The following CACNB4 variants were observed in gnomAD, a reference collection of about 807,000 sequenced individuals.
CACNB4 encodes calcium voltage-gated channel auxiliary subunit beta 4.
Under a neutral mutation model 71.2 loss-of-function variants are expected in CACNB4, and 32 were observed. That is an observed-to-expected ratio of 0.45 (90% CI 0.34 to 0.60). The LOEUF (loss-of-function observed/expected upper bound fraction) is 0.60, where lower values mean the gene tolerates loss of function less well. Among genes scored for constraint, CACNB4 ranks in the 20% least tolerant of loss-of-function variants. The probability of loss-of-function intolerance (pLI) is 0.01; values close to 1 mark genes in which losing one functional copy is unlikely to be tolerated. For missense variants in CACNB4, 464 were observed against 647.9 expected, an observed-to-expected ratio of 0.72 and a Z score of 3.08; for synonymous variants, 231 against 236.9, an observed-to-expected ratio of 0.97 and a Z score of 0.23.
intron 2 of CACNB4, among the ~76,000 whole-genome samples, chr2:152,053,236 A>C (rs1260471897): frequency 2.0e-5 from 3 of 152,160 alleles, no homozygotes; most frequent in African/African-American, 7.2e-5. Flanking sequence ...CCTCACCCTC[A>C]ACCTCTGGGA....
chr2:152,034,581 G>A (rs1325836627), intron 2 of CACNB4, among the ~76,000 whole-genome samples: 13 of 152,204 alleles, frequency 8.5e-5, no homozygotes, highest in Admixed American at 7.2e-4. Context: ...GAAAAGCATC[G>A]CATAAATTCC....
At chr2:151,926,895 C>A (rs1056739105) in intron 2 of CACNB4, among the ~76,000 whole-genome samples, 4 of 152,182 alleles carry the variant, frequency 2.6e-5, no homozygotes, top group Admixed American at 2.0e-4. Context: ...TACTTACTAA[C>A]TTTGCCTTTG....
intron 2 of CACNB4, among the ~76,000 whole-genome samples, chr2:151,899,941 A>G (rs1185498781): frequency 6.6e-6 from 1 of 152,198 alleles, no homozygotes; most frequent in East Asian, 1.9e-4. Context: ...AGAGTACAAA[A>G]AGTACCATAA....
At chr2:152,056,190 G>A (rs1435842776) in intron 2 of CACNB4, among the ~76,000 whole-genome samples, 4 of 151,898 alleles carry the variant, frequency 2.6e-5, no homozygotes, top group Middle Eastern at 3.4e-3. Context: ...GTGAAACCCC[G>A]TCTCTACTAA....
chr2:152,006,452 G>C (rs1682733543), intron 2 of CACNB4, among the ~76,000 whole-genome samples: 1 of 150,118 alleles, frequency 6.7e-6, no homozygotes, highest in Admixed American at 6.6e-5. Context: ...GTCCAGGCTG[G>C]AGTGCAGTGA....
chr2:152,028,818 G>T (rs764193232), intron 2 of CACNB4, among the ~76,000 whole-genome samples: 19 of 152,174 alleles, frequency 1.2e-4, no homozygotes, highest in Admixed American at 2.0e-4. Context: ...GCCAAAACAT[G>T]ATAAATATAT....
At chr2:152,074,436 C>T (rs1325593799) in intron 2 of CACNB4, among the ~76,000 whole-genome samples, 1 of 151,444 alleles carries the variant, frequency 6.6e-6, no homozygotes, top group East Asian at 1.9e-4. Flanking sequence ...CCATAACCAT[C>T]ACCAAGCCAT....
chr2:151,842,709 G>A (rs778515173), intron 12 of CACNB4, among the ~76,000 whole-genome samples: 3 of 152,158 alleles, frequency 2.0e-5, no homozygotes, highest in East Asian at 1.9e-4. Context: ...AAAAACCCAC[G>A]TGTATTCACA....
chr2:152,011,302 G>C (rs899154568), intron 2 of CACNB4, among the ~76,000 whole-genome samples: 3 of 152,110 alleles, frequency 2.0e-5, no homozygotes, highest in African/African-American at 4.8e-5. Flanking sequence ...TTCTTCCTTT[G>C]AGGTCCTGAC....
intron 2 of CACNB4, chr2:151,973,624 G>C (rs761102887): frequency 6.4e-7 from 1 of 1,564,002 alleles, no homozygotes; most frequent in Non-Finnish European, 8.8e-7. Context: ...AGTGGGAGGA[G>C]GAAGAGGAGG....
At chr2:151,883,734 G>T in intron 2 of CACNB4, 1 of 308,450 alleles carries the variant, frequency 3.2e-6, no homozygotes, top group South Asian at 3.1e-5. Flanking sequence ...AGGAAAAAGA[G>T]ACTCAGCTTA....
chr2:152,086,323 T>C (rs1687660432), intron 2 of CACNB4, among the ~76,000 whole-genome samples: 2 of 152,254 alleles, frequency 1.3e-5, no homozygotes, highest in South Asian at 4.1e-4. Flanking sequence ...ACAGAAAGAA[T>C]AAAACACATC....
intron 2 of CACNB4, among the ~76,000 whole-genome samples, chr2:152,039,492 C>T (rs1684768550): frequency 6.6e-6 from 1 of 152,038 alleles, no homozygotes; most frequent in Non-Finnish European, 1.5e-5. Context: ...TTGGAGGAAG[C>T]CTACACTTCT....
chr2:151,900,597 A>C (rs146926354), intron 2 of CACNB4, among the ~76,000 whole-genome samples: 5 of 152,330 alleles, frequency 3.3e-5, no homozygotes, highest in African/African-American at 9.6e-5. Context: ...GCAAATCAGG[A>C]AAGCCGGGAG....
intron 2 of CACNB4, among the ~76,000 whole-genome samples, chr2:151,986,915 A>G (rs909092894): frequency 6.6e-6 from 1 of 152,028 alleles, no homozygotes; most frequent in African/African-American, 2.4e-5. Context: ...TGCTTCAGAG[A>G]TTGTTTTTTT....
Position 151,837,040 on chromosome 2 carries a change from T to C in CACNB4, c.*2079A>G, listed in dbSNP as rs1043116158. On this transcript the variant is annotated 3_prime_UTR_variant, in exon 14 of 14. Transcript: ENST00000539935. The stretch of plus-strand genomic sequence containing the variant: ...GTATGTGCTGTACATGTAATAAATA[T>C]ATTTTTGTTTGCTGGAAGATGCTCT... 13 of 152,006 alleles carry C rather than the reference T, an allele frequency of 8.6e-5. No homozygotes were observed. The highest frequency in any genetic ancestry group is 2.4e-4 in the African/African-American group (10 of 41,446). 9.4% of individuals were successfully genotyped at this position (152,006 alleles called of 1,614,324 possible).
intron 2 of CACNB4, among the ~76,000 whole-genome samples, chr2:152,003,548 A>G (rs1292918937): frequency 6.6e-6 from 1 of 152,092 alleles, no homozygotes; most frequent in South Asian, 2.1e-4. Context: ...CCTCTCCAAA[A>G]GAAAGGAGAC....
At chr2:152,044,157 A>G (rs540802789) in intron 2 of CACNB4, among the ~76,000 whole-genome samples, 2 of 152,358 alleles carry the variant, frequency 1.3e-5, no homozygotes, top group East Asian at 3.9e-4. Flanking sequence ...TGAAGCATGG[A>G]GAATATCTAA....
chr2:151,895,073 A>T (rs1208529507), intron 2 of CACNB4, among the ~76,000 whole-genome samples: 2 of 150,284 alleles, frequency 1.3e-5, no homozygotes, highest in African/African-American at 4.9e-5. Flanking sequence ...TAAAATTCAT[A>T]TGGAACCAGA....
Sources: gnomAD v4.1 joint callset for allele counts (sites outside exome capture counted in the v4.1 genomes callset) on GRCh38, gnomAD v4.1.1 for gene constraint, MANE v1.5 for transcripts, NCBI Gene and HGNC (gene_info 2026-07-23, HGNC 2026-07-21) for gene names.